The following ARHGEF10 variants were observed in gnomAD, a reference collection of about 807,000 sequenced individuals.
ARHGEF10 encodes the protein Rho guanine nucleotide exchange factor (GEF) 10.
A neutral mutation model predicts 147.4 loss-of-function variants in ARHGEF10; 140 were observed. The ratio of observed to expected loss-of-function variants is 0.95; its 90% CI spans 0.83 to 1.09. The LOEUF (loss-of-function observed/expected upper bound fraction) is 1.09, where lower values mean the gene tolerates loss of function less well. ARHGEF10 is among the 50% of genes least tolerant of loss of function. The probability of loss-of-function intolerance (pLI) is 0.00; values close to 1 mark genes in which losing one functional copy is unlikely to be tolerated. For synonymous variants in ARHGEF10, 902 were observed against 695.8 expected, an observed-to-expected ratio of 1.30 and a Z score of -4.67; for missense variants, 2,222 against 1,752.7, an observed-to-expected ratio of 1.27 and a Z score of -4.78.
chr8:1,950,540 T>G (rs1010487919), intron 27 of ARHGEF10, among the ~76,000 whole-genome samples: 9 of 151,828 alleles, frequency 5.9e-5, no homozygotes, highest in Non-Finnish European at 1.3e-4. Context: ...ATTTATTTAT[T>G]TATTTATTTG....
chr8:1,856,597 C>T (rs893777382), intron 2 of ARHGEF10, among the ~76,000 whole-genome samples: 3 of 152,186 alleles, frequency 2.0e-5, no homozygotes, highest in Admixed American at 6.5e-5. Flanking sequence ...CTGGAGACTG[C>T]GTGGAGTGTA....
chr8:1,874,212 G>A (rs962957977), intron 7 of ARHGEF10, among the ~76,000 whole-genome samples: 3 of 152,184 alleles, frequency 2.0e-5, no homozygotes, highest in African/African-American at 7.2e-5. Flanking sequence ...TGTTTGCTGG[G>A]GGTCACAACA....
At position 1,859,826 on chromosome 8, in the gene ARHGEF10, G is replaced by C. The variant is rs973504792; in HGVS notation, c.194-71G>C. 3.8e-6 allele frequency: 6 copies of C among 1,584,868 alleles called. No homozygotes were observed. The African/African-American group carries it at 8.1e-5, about 21-fold the overall frequency. On this transcript the variant is annotated intron_variant, in intron 3 of 28. Transcript: ENST00000349830. ...GGGAGCTCATACCTGCTTCCCACTT[G>C]CGCTCCAGGAGGGCATGCCTGCCAT...
At chr8:1,823,587 G>C (rs1226567627), upstream of ARHGEF10, among the ~76,000 whole-genome samples, 1 of 152,102 alleles carries the variant, frequency 6.6e-6, no homozygotes, top group Admixed American at 6.5e-5. Flanking sequence ...TCTGAGCCGG[G>C]AGCAGGCTCT....
In ARHGEF10 at chr8:1,902,819, C is replaced by G. The variant is rs530676451; in HGVS notation, c.1651-462C>G. Among the ~76,000 whole-genome samples the G allele has an allele frequency of 3.3e-5, 5 of 152,298 alleles. No individual in the cohort carries two copies. The South Asian group carries it at 1.0e-3, about 32-fold the overall frequency. On this transcript the variant is annotated intron_variant, in intron 15 of 28. Coordinates refer to ENST00000349830, the MANE Select transcript of ARHGEF10 (RefSeq NM_014629.4). ...GGTTCCTTTGTCACTGTGAGAGAGACTCGATCCTGCTGTGTGAGTTGACAC... is the reference window on the plus strand; with the variant it reads ...GGTTCCTTTGTCACTGTGAGAGAGAGTCGATCCTGCTGTGTGAGTTGACAC...
chr8:1,895,065 C>G (rs1054120015), intron 13 of ARHGEF10, among the ~76,000 whole-genome samples: 13 of 152,192 alleles, frequency 8.5e-5, no homozygotes, highest in East Asian at 7.7e-4. Context: ...TTGCCCTTGG[C>G]TGTAGCTTCT....
At position 1,893,616 on chromosome 8, in the gene ARHGEF10, C is replaced by G. The variant is rs939770411; in HGVS notation, c.1230C>G (p.Asn410Lys). 8 of 1,613,504 alleles carry G rather than the reference C, an allele frequency of 5.0e-6. No homozygotes were observed. The highest frequency in any genetic ancestry group is 5.1e-6 in the Non-Finnish European group (6 of 1,179,586). ...ILGSVVDSEK[N>K]YVDALKRILE... ...GTTCAGTTGTCGACAGTGAAAAGAACTACGTAGATGCTCTTAAGAGGATTT... is the reference window on the plus strand; with the variant it reads ...GTTCAGTTGTCGACAGTGAAAAGAAGTACGTAGATGCTCTTAAGAGGATTT... Residue 410 changes from asparagine (N) to lysine (K), a missense_variant, in exon 12 of 29, where the codon AAC becomes AAG. Coordinates refer to ENST00000349830, the MANE Select transcript of ARHGEF10 (RefSeq NM_014629.4).
At chr8:1,855,034 T>C (rs1038537455) in intron 2 of ARHGEF10, among the ~76,000 whole-genome samples, 2 of 152,124 alleles carry the variant, frequency 1.3e-5, no homozygotes, top group African/African-American at 2.4e-5. Context: ...GGCTGTTTCC[T>C]GCACACACGG....
intron 26 of ARHGEF10, chr8:1,943,681 C>T (rs570323000): frequency 6.6e-6 from 1 of 152,308 alleles, no homozygotes; most frequent in African/African-American, 2.4e-5. Flanking sequence ...GGAACCAAGT[C>T]ACAAGTCAGT....
chr8:1,877,410 T>G (rs3779695), intron 8 of ARHGEF10, among the ~76,000 whole-genome samples: 69,224 of 151,866 alleles, frequency 0.46, 15,963 homozygotes, highest in East Asian at 0.57. Context: ...GTATTTTTAT[T>G]AGAGATGGGG....
intron 27 of ARHGEF10, 26 bp downstream of exon 27, chr8:1,945,681 G>T (rs768672126): frequency 2.5e-6 from 4 of 1,613,884 alleles, no homozygotes; most frequent in Admixed American, 1.7e-5. Context: ...GGGGCCCAGG[G>T]ATGGGACAGC....
At chr8:1,930,756 C>T (rs997452741) in intron 25 of ARHGEF10, among the ~76,000 whole-genome samples, 5 of 152,252 alleles carry the variant, frequency 3.3e-5, no homozygotes, top group African/African-American at 4.8e-5. Context: ...GGGACGGCCC[C>T]TCCTTCTCCC....
chr8:1,910,347 A>G (rs576013320), intron 18 of ARHGEF10, among the ~76,000 whole-genome samples: 12 of 152,342 alleles, frequency 7.9e-5, no homozygotes, highest in Admixed American at 3.3e-4. Context: ...TGTAAGGAGT[A>G]TTAGGTCTAA....
chr8:1,876,607 A>T lies in ARHGEF10; in HGVS notation c.716A>T (p.Glu239Val). Residue 239 changes from glutamate to valine, a missense_variant, in exon 8 of 29, where the codon GAA becomes GTA. Physicochemically the swap from Glu to Val is moderately radical, Grantham distance 121 (BLOSUM62 -2). Coordinates refer to ENST00000349830, the MANE Select transcript of ARHGEF10 (RefSeq NM_014629.4). ...MIYDDVENGD[E>V]GGNSSLEYGW... The stretch of plus-strand genomic sequence containing the variant: ...TATGATGATGTTGAGAATGGGGATG[A>T]AGGTGGAAACAGCTCCTTGGAATAC... 6.2e-7 allele frequency: 1 copy of T among 1,614,222 alleles called. No homozygotes were observed. The highest frequency in any genetic ancestry group is 8.5e-7 in the Non-Finnish European group (1 of 1,180,014).
At chr8:1,898,392 G>A (rs1241106996) in intron 14 of ARHGEF10, 41 bp from the exon 15 acceptor site, 3 of 1,575,232 alleles carry the variant, frequency 1.9e-6, no homozygotes, top group Non-Finnish European at 2.6e-6. Flanking sequence ...GGAGGGCATG[G>A]CAGCCCTGCA....
intron 26 of ARHGEF10, among the ~76,000 whole-genome samples, chr8:1,942,040 C>T (rs1814137516): frequency 6.6e-6 from 1 of 152,048 alleles, no homozygotes; most frequent in Non-Finnish European, 1.5e-5. Flanking sequence ...GGTAAATCCT[C>T]ATGATTTTGG....
intron 4 of ARHGEF10, among the ~76,000 whole-genome samples, chr8:1,862,945 A>C (rs1207464528): frequency 6.6e-6 from 1 of 150,714 alleles, no homozygotes; most frequent in Non-Finnish European, 1.5e-5. Context: ...CGCCCGGCTA[A>C]TTTTTTGTAT....
intron 11 of ARHGEF10, among the ~76,000 whole-genome samples, chr8:1,891,849 T>G (rs1334257422): frequency 6.6e-6 from 1 of 151,972 alleles, no homozygotes; most frequent in Non-Finnish European, 1.5e-5. Flanking sequence ...ACCCAGAATA[T>G]TGGTTTTGTT....
chr8:1,929,524 C>T, intron 25 of ARHGEF10, 81 bp downstream of exon 25: 1 of 1,486,088 alleles, frequency 6.7e-7, no homozygotes, highest in East Asian at 2.3e-5. Flanking sequence ...CTCCCCACCT[C>T]CCCACCGGCC....
Sources: gnomAD v4.1 joint callset for allele counts (sites outside exome capture counted in the v4.1 genomes callset) on GRCh38, gnomAD v4.1.1 for gene constraint, MANE v1.5 for transcripts, NCBI Gene and HGNC (gene_info 2026-07-23, HGNC 2026-07-21) for gene names.